The following SOCS4 variants were observed in gnomAD, a reference collection of about 807,000 sequenced individuals.
SOCS4 encodes the protein SH2 domain containing SOCS box protein.
SOCS4 carries 20 observed loss-of-function variants against 34.1 expected under a neutral mutation model. The ratio of observed to expected loss-of-function variants is 0.59; its 90% CI spans 0.41 to 0.85. The LOEUF (loss-of-function observed/expected upper bound fraction) is 0.85, where lower values mean the gene tolerates loss of function less well. Ranked by LOEUF, SOCS4 falls within the 40% of genes least tolerant of loss-of-function variation. SOCS4 has a pLI of 0.00. For missense variants in SOCS4, 479 were observed against 532.4 expected, an observed-to-expected ratio of 0.90 and a Z score of 0.99; for synonymous variants, 180 against 186.4, an observed-to-expected ratio of 0.97 and a Z score of 0.28.
Position 55,048,287 on chromosome 14 carries a change from A to G in SOCS4, c.*3923A>G, listed in dbSNP as rs766866070. On this transcript the variant is annotated 3_prime_UTR_variant, in exon 3 of 3. Transcript: ENST00000555846. ...CGCTTTTAGCTATTGTCAGAATCCA[A>G]TAAACAGCTTACGCATTCATTTTGG... is the stretch of plus-strand genomic sequence containing the variant. 3.6e-5 allele frequency: 6 copies of G among 167,244 alleles called. No homozygotes were observed. The highest frequency in any genetic ancestry group is 7.3e-5 in the Non-Finnish European group (5 of 68,118). 10.4% of individuals were successfully genotyped at this position (167,244 alleles called of 1,614,324 possible).
rs973442503 is a variant in SOCS4 at position 55,044,063 on chromosome 14, A to G, written c.1022A>G (p.Asn341Ser). Residue 341 changes from asparagine (N) to serine (S), a missense_variant, in exon 3 of 3, where the codon AAC becomes AGC. Coordinates refer to ENST00000555846, the MANE Select transcript of SOCS4 (RefSeq NM_199421.2). ...GCTAGAATTGAACAGTGGAATCACA[A>G]CTTTAGCTTTGATGCACATGACCCC... is the stretch of plus-strand genomic sequence containing the variant. Reference protein sequence around the residue: ...LHARIEQWNHNFSFDAHDPCV... With the variant: ...LHARIEQWNHSFSFDAHDPCV... 2 of 1,614,022 alleles carry G rather than the reference A, an allele frequency of 1.2e-6. No individual in the cohort carries two copies. Among genetic ancestry groups the G allele is most frequent in the Non-Finnish European group, 1.7e-6 (2 of 1,179,998 alleles).
rs761781708 is a variant in SOCS4 at position 55,043,558 on chromosome 14, G to T, written c.517G>T (p.Asp173Tyr). 1 of 1,614,144 alleles carries T rather than the reference G, an allele frequency of 6.2e-7. No homozygotes were observed. The highest frequency in any genetic ancestry group is 1.1e-5 in the South Asian group (1 of 91,088). Residue 173 changes from aspartate (D) to tyrosine (Y), a missense_variant, in exon 3 of 3, where the codon GAT becomes TAT. Asp to Tyr is a radical substitution (Grantham distance 160). Coordinates refer to ENST00000555846, the MANE Select transcript of SOCS4 (RefSeq NM_199421.2). ...STDLSQTELR[D>Y]GQLKRRNMEE... ...AGACTTGTCTCAGACTGAATTGAGG[G>T]ATGGTCAGCTAAAACGAAGAAATAT...
rs1400934581 is a variant in SOCS4, at chr14:55,043,833, C to A, written c.792C>A (p.Tyr264Ter). The A allele has an allele frequency of 6.2e-7, 1 of 1,614,030 alleles. No homozygotes were observed. The highest frequency in any genetic ancestry group is 1.3e-5 in the African/African-American group (1 of 74,926). The change falls in exon 3 of 3, where the codon TAC (tyrosine) becomes TAA (stop). Residue 264 changes from tyrosine (Y) to a stop codon, truncating the protein, a stop_gained. Transcript: ENST00000555846. LOFTEE classifies it high-confidence loss of function. ...TGCAGTTGGAAACACCTCCTAAATA[C>A]CACACGCAGATTGATTATGTCCACT... ...EILQLETPPK[Y>*]HTQIDYVHCL... is the part of the protein sequence containing the mutation.
chr14:55,033,408 C>T lies in SOCS4; in HGVS notation c.-91+1417C>T, dbSNP rs568943682. ...AAAGATATGAAAGTTTGATAGACTT[C>T]TCTCATTTTTTTGTAACAGAATCAA... On this transcript the variant is annotated intron_variant, in intron 2 of 2. Transcript: ENST00000555846. Among the ~76,000 whole-genome samples, 3 of 152,226 alleles carry T rather than the reference C, an allele frequency of 2.0e-5. No individual in the cohort carries two copies. The East Asian group carries it at 5.8e-4, about 29-fold the overall frequency.
intron 2 of SOCS4, among the ~76,000 whole-genome samples, chr14:55,033,478 T>C (rs539126990): frequency 3.3e-5 from 5 of 152,350 alleles, no homozygotes; most frequent in Admixed American, 3.3e-4. Context: ...TGATAAGATC[T>C]CTCCATAGCA....
chr14:55,040,727 G>C (rs986889828), intron 2 of SOCS4, among the ~76,000 whole-genome samples: 1 of 151,836 alleles, frequency 6.6e-6, no homozygotes, highest in Non-Finnish European at 1.5e-5. Flanking sequence ...CTGGGCGACA[G>C]AGCGAGACTC....
At chr14:55,032,563 C>G (rs559731303) in intron 2 of SOCS4, among the ~76,000 whole-genome samples, 85 of 152,188 alleles carry the variant, frequency 5.6e-4, no homozygotes, top group African/African-American at 2.0e-3. Flanking sequence ...TCTGTACTCC[C>G]CAGGGCAATG....
intron 2 of SOCS4, among the ~76,000 whole-genome samples, chr14:55,037,371 CT>C (rs745721328): frequency 5.9e-5 from 9 of 151,928 alleles, no homozygotes; most frequent in Non-Finnish European, 1.0e-4. Context: ...TCTTGAACTC[CT>C]GACCTGATGA....
In SOCS4 at chr14:55,045,473, A is replaced by C. The variant is rs183338980; in HGVS notation, c.*1109A>C. 6 of 167,138 alleles carry C rather than the reference A, an allele frequency of 3.6e-5. No homozygotes were observed. The highest frequency in any genetic ancestry group is 1.5e-5 in the Non-Finnish European group (1 of 68,058). The allele number at this position is 167,138 out of a possible 1,614,324, so 10.4% of individuals were successfully genotyped here. On this transcript the variant is annotated 3_prime_UTR_variant, in exon 3 of 3. Coordinates refer to ENST00000555846, the MANE Select transcript of SOCS4 (RefSeq NM_199421.2). Reference sequence around the variant, plus strand: ...GTTTTTGATCTACAAGATCCAAATAATTATCCCTATCTTCAGAATTAACTT... The same window carrying C: ...GTTTTTGATCTACAAGATCCAAATACTTATCCCTATCTTCAGAATTAACTT...
rs552029524 is a variant in SOCS4, at chr14:55,047,743, C to T, written c.*3379C>T. ...AGAACAAATGTGGCAAGTAGGACTC[C>T]TATCGGTATACAAATTCCATTTCTT... On this transcript the variant is annotated 3_prime_UTR_variant, in exon 3 of 3. Coordinates refer to ENST00000555846, the MANE Select transcript of SOCS4 (RefSeq NM_199421.2). 1.2e-5 allele frequency: 2 copies of T among 167,180 alleles called. No individual in the cohort carries two copies. The highest frequency in any genetic ancestry group is 2.1e-4 in the South Asian group (1 of 4,826). The allele number at this position is 167,180 out of a possible 1,614,324, so 10.4% of individuals were successfully genotyped here.
chr14:55,031,331 G>A (rs564159151), intron 1 of SOCS4, among the ~76,000 whole-genome samples: 32 of 152,260 alleles, frequency 2.1e-4, no homozygotes, highest in Admixed American at 2.0e-3. Context: ...GTACACTGAT[G>A]TTAACAGATT....
At position 55,044,036 on chromosome 14, in the gene SOCS4, A is replaced by C. The variant is rs778831297; in HGVS notation, c.995A>C (p.His332Pro). ...TTTAGACGCTATAGTCGTTCTCTTC[A>C]TGCTAGAATTGAACAGTGGAATCAC... Reference protein sequence around the residue: ...VSFRRYSRSLHARIEQWNHNF... With the variant: ...VSFRRYSRSLPARIEQWNHNF... Residue 332 changes from histidine (H) to proline (P), a missense_variant, in exon 3 of 3, where the codon CAT becomes CCT. Physicochemically the swap from His to Pro is moderately conservative, Grantham distance 77 (BLOSUM62 -2). Coordinates refer to ENST00000555846, the MANE Select transcript of SOCS4 (RefSeq NM_199421.2). The C allele has an allele frequency of 1.2e-6, 2 of 1,614,154 alleles. No individual in the cohort carries two copies. Among genetic ancestry groups the C allele is most frequent in the Non-Finnish European group, 1.7e-6 (2 of 1,180,006 alleles).
intron 1 of SOCS4, among the ~76,000 whole-genome samples, chr14:55,030,042 A>T (rs1441117022): frequency 6.6e-6 from 1 of 152,172 alleles, no homozygotes; most frequent in African/African-American, 2.4e-5. Context: ...TCTAGTCTTT[A>T]TCTAGTCACA....
chr14:55,038,223 T>A (rs992210804), intron 2 of SOCS4, among the ~76,000 whole-genome samples: 1 of 152,208 alleles, frequency 6.6e-6, no homozygotes. Context: ...TTCAATTATC[T>A]CCACCTGGCT....
rs1272805622 is a variant in SOCS4 at position 55,042,987 on chromosome 14, T to C, written c.-55T>C. On this transcript the variant is annotated 5_prime_UTR_variant, in exon 3 of 3. Coordinates refer to ENST00000555846, the MANE Select transcript of SOCS4 (RefSeq NM_199421.2). ...AAAGTGCCCAGAAGAAACTTCCTGC[T>C]GGAAAAAATGAAAAAGCAGTATTTA... 1 of 1,502,284 alleles carries C rather than the reference T, an allele frequency of 6.7e-7. No homozygotes were observed. The highest frequency in any genetic ancestry group is 9.0e-7 in the Non-Finnish European group (1 of 1,116,924). 93.1% of individuals were successfully genotyped at this position (1,502,284 alleles called of 1,614,324 possible). A position where few individuals can be genotyped will look rare whatever the true frequency, so the allele number is the denominator to read the frequency against.
In SOCS4 at chr14:55,043,578, A is replaced by G. The variant is rs758655971; in HGVS notation, c.537A>G (p.Arg179=). The G allele has an allele frequency of 1.2e-6, 2 of 1,614,210 alleles. No homozygotes were observed. The highest frequency in any genetic ancestry group is 3.3e-5 in the Admixed American group (2 of 60,026). ...TGAGGGATGGTCAGCTAAAACGAAG[A>G]AATATGGAAGAAAATATAAACTGTT... ...TELRDGQLKR[R]NMEENINCFS... Residue 179 remains arginine (R), a synonymous_variant, in exon 3 of 3, where the codon AGA becomes AGG. Coordinates refer to ENST00000555846, the MANE Select transcript of SOCS4 (RefSeq NM_199421.2).
chr14:55,039,239 C>A (rs1213857253), intron 2 of SOCS4, among the ~76,000 whole-genome samples: 1 of 151,992 alleles, frequency 6.6e-6, no homozygotes, highest in Non-Finnish European at 1.5e-5. Flanking sequence ...AGTTCAAGAC[C>A]AGCCTGGGCA....
intron 1 of SOCS4, among the ~76,000 whole-genome samples, chr14:55,029,194 G>A (rs989535337): frequency 8.5e-5 from 13 of 152,182 alleles, no homozygotes; most frequent in African/African-American, 2.4e-4. Context: ...ATATGATCAA[G>A]ATGATAGTGC....
chr14:55,027,342 CTTTGT>C lies in SOCS4; in HGVS notation c.-348_-344del. On this transcript the variant is annotated 5_prime_UTR_variant, in exon 1 of 3. It removes the in-frame stop codon of an upstream open reading frame in the 5' UTR. Transcript: ENST00000555846. Reference sequence around the variant, plus strand: ...GTTGGGGGTGGCAGAAAAGCATCTGCTTTGTAAGACCTACACGAGGTGCAGGAGTG... The same window carrying C: ...GTTGGGGGTGGCAGAAAAGCATCTGCAAGACCTACACGAGGTGCAGGAGTG... 5.7e-6 allele frequency: 1 copy of C among 174,994 alleles called. No individual in the cohort carries two copies. The highest frequency in any genetic ancestry group is 1.2e-5 in the Non-Finnish European group (1 of 80,790). The allele number at this position is 174,994 out of a possible 1,614,324, so 10.8% of individuals were successfully genotyped here.
Sources: allele counts gnomAD v4.1 joint callset (sites outside exome capture counted in the v4.1 genomes callset), GRCh38; gene constraint gnomAD v4.1.1; transcripts MANE v1.5; gene names NCBI Gene and HGNC (gene_info 2026-07-23, HGNC 2026-07-21).